Variants in CA2 observed in about 807,000 individuals in gnomAD.
CA2 encodes carbonate dehydratase II.
Under a neutral mutation model 27.8 loss-of-function variants are expected in CA2, and 23 were observed. The ratio of observed to expected loss-of-function variants is 0.83; its 90% CI spans 0.59 to 1.17. The LOEUF is 1.17. Ranked by LOEUF, CA2 falls within the 50% of genes most tolerant of loss-of-function variation. The probability of loss-of-function intolerance (pLI) is 0.00; values close to 1 mark genes in which losing one functional copy is unlikely to be tolerated. For synonymous variants in CA2, 99 were observed against 114.9 expected, an observed-to-expected ratio of 0.86 and a Z score of 0.88; for missense variants, 300 against 314.7, an observed-to-expected ratio of 0.95 and a Z score of 0.35.
chr8:85,470,228 C>T (rs1026629553), intron 2 of CA2, among the ~76,000 whole-genome samples: 1 of 152,062 alleles, frequency 6.6e-6, no homozygotes, highest in South Asian at 2.1e-4. Context: ...AAATGGAATA[C>T]GTGTATTTTT....
intron 5 of CA2, among the ~76,000 whole-genome samples, chr8:85,476,340 T>C (rs1586016443): frequency 6.6e-6 from 1 of 152,186 alleles, no homozygotes; most frequent in Admixed American, 6.5e-5. Context: ...TGCAGCATAG[T>C]TGTGTTGAGG....
At chr8:85,466,935 A>G (rs1371730764) in intron 2 of CA2, among the ~76,000 whole-genome samples, 1 of 152,234 alleles carries the variant, frequency 6.6e-6, no homozygotes, top group African/African-American at 2.4e-5. Flanking sequence ...ACACATACAG[A>G]AAGAATACTA....
intron 1 of CA2, 44 bp downstream of exon 1, chr8:85,464,159 ATCCCC>A: frequency 1.4e-6 from 2 of 1,467,248 alleles, no homozygotes; most frequent in Non-Finnish European, 9.2e-7. Context: ...CCGATCCCCG[ATCCCC>A]GATCCCCGAT....
At position 85,466,085 on chromosome 8, in the gene CA2, C is replaced by T. The variant is rs147028560; in HGVS notation, c.232+616C>T. On this transcript the variant is annotated intron_variant, in intron 2 of 6. Transcript: ENST00000285379. ...GGCCCATTACTGACAAAACCAATTA[C>T]CGTATTTATTGGTAATAGAGCTGTT... is the stretch of plus-strand genomic sequence containing the variant. 1.7e-4 allele frequency among the ~76,000 whole-genome samples: 25 copies of T among 145,612 alleles called. No individual in the cohort carries two copies. In the East Asian group the frequency reaches 4.9e-3, roughly 28 times the overall value.
At position 85,477,269 on chromosome 8, in the gene CA2, C is replaced by T. The variant is rs148054811; in HGVS notation, c.657C>T (p.Ser219=). Residue 219 remains serine (S), a synonymous_variant, in exon 6 of 7, where the codon AGC becomes AGT. Coordinates refer to ENST00000285379, the MANE Select transcript of CA2 (RefSeq NM_000067.3). Reference sequence around the variant, plus strand: ...TCAAGGAACCCATCAGCGTCAGCAGCGAGCAGGTTTGTTTTGTAATGACAG... The same window carrying T: ...TCAAGGAACCCATCAGCGTCAGCAGTGAGCAGGTTTGTTTTGTAATGACAG... The part of the protein sequence containing the change: ...IVLKEPISVS[S]EQVLKFRKLN... The T allele has an allele frequency of 2.8e-5, 45 of 1,613,946 alleles. No individual in the cohort carries two copies. The highest frequency in any genetic ancestry group is 5.3e-5 in the African/African-American group (4 of 74,908).
chr8:85,480,140 T>A (rs1004215134), intron 6 of CA2, among the ~76,000 whole-genome samples: 8 of 152,200 alleles, frequency 5.3e-5, no homozygotes, highest in African/African-American at 1.9e-4. Flanking sequence ...TATAAATTGG[T>A]TTGTTATATT....
chr8:85,475,973 TG>T (rs1051942313), intron 5 of CA2, 113 bp downstream of exon 5: 1 of 816,436 alleles, frequency 1.2e-6, no homozygotes, highest in African/African-American at 1.7e-5. Context: ...GGTGTTTGGA[TG>T]AGCAGTTAGT....
intron 6 of CA2, among the ~76,000 whole-genome samples, chr8:85,480,377 G>C (rs568720167): frequency 6.6e-6 from 1 of 151,890 alleles, no homozygotes; most frequent in South Asian, 2.1e-4. Context: ...TTGTGCCTTA[G>C]CCTCCTGAGT....
At position 85,477,226 on chromosome 8, in the gene CA2, G is replaced by T. The variant is rs1357538811; in HGVS notation, c.614G>T (p.Cys205Phe). Residue 205 changes from cysteine to phenylalanine, a missense_variant, in exon 6 of 7, where the codon TGT becomes TTT. By Grantham distance (205) the Cys-to-Phe change is radical. Coordinates refer to ENST00000285379, the MANE Select transcript of CA2 (RefSeq NM_000067.3). ...CTGACCACCCCTCCTCTTCTGGAATGTGTGACCTGGATTGTGCTCAAGGAA... is the reference window on the plus strand; with the variant it reads ...CTGACCACCCCTCCTCTTCTGGAATTTGTGACCTGGATTGTGCTCAAGGAA... ...GSLTTPPLLE[C>F]VTWIVLKEPI... is the part of the protein sequence containing the mutation. 1 of 1,614,096 alleles carries T rather than the reference G, an allele frequency of 6.2e-7. No homozygotes were observed. Among genetic ancestry groups the T allele is most frequent in the Non-Finnish European group, 8.5e-7 (1 of 1,179,990 alleles).
chr8:85,466,689 C>G (rs901866501), intron 2 of CA2, among the ~76,000 whole-genome samples: 1 of 151,716 alleles, frequency 6.6e-6, no homozygotes, highest in African/African-American at 2.4e-5. Context: ...TACACACACA[C>G]ACACACACAC....
chr8:85,473,010 T>TAATAATAAATA (rs1446379714), intron 2 of CA2, among the ~76,000 whole-genome samples: 14 of 141,480 alleles, frequency 9.9e-5, no homozygotes, highest in African/African-American at 2.5e-4. Flanking sequence ...ATAATAATAA[T>TAATAATAAATA]AATAAATAAA....
intron 1 of CA2, 61 bp from the exon 2 acceptor site, chr8:85,465,211 T>C (rs1811608435): frequency 7.3e-7 from 1 of 1,362,598 alleles, no homozygotes; most frequent in Non-Finnish European, 1.0e-6. Flanking sequence ...ATTGCTCTTC[T>C]CTAGGGGTCT....
At chr8:85,480,339 A>G (rs112935534) in intron 6 of CA2, among the ~76,000 whole-genome samples, 1 of 151,984 alleles carries the variant, frequency 6.6e-6, no homozygotes, top group Non-Finnish European at 1.5e-5. Context: ...GCTCATTGCA[A>G]TCTCTGCCTC....
In CA2 at chr8:85,464,135, A is replaced by C. The variant is rs978029942; in HGVS notation, c.34+20A>C. 2 of 1,534,108 alleles carry C rather than the reference A, an allele frequency of 1.3e-6. No individual in the cohort carries two copies. The highest frequency in any genetic ancestry group is 1.8e-6 in the Non-Finnish European group (2 of 1,141,842). ...ACAACGGTGAGTGCCGGCGACGGCC[A>C]GCGCGGGGGCGCCCCGATCCCCGAT... On this transcript the variant is annotated intron_variant, in intron 1 of 6. Transcript: ENST00000285379.
At chr8:85,464,347 C>A (rs1046537796) in intron 1 of CA2, 2 of 447,080 alleles carry the variant, frequency 4.5e-6, no homozygotes, top group African/African-American at 2.1e-5. Flanking sequence ...GAGGAATCCC[C>A]GCGTCCGCCG....
At chr8:85,480,268 C>T (rs1811867643) in intron 6 of CA2, among the ~76,000 whole-genome samples, 1 of 152,008 alleles carries the variant, frequency 6.6e-6, no homozygotes, top group African/African-American at 2.4e-5. Flanking sequence ...GTTTTTGTTT[C>T]TGTTTTTTGA....
chr8:85,475,983 G>A lies in CA2; in HGVS notation c.507+123G>A. 3 of 768,814 alleles carry A rather than the reference G, an allele frequency of 3.9e-6. No homozygotes were observed. In the South Asian group the frequency reaches 4.4e-5, roughly 11 times the overall value. 47.6% of individuals were successfully genotyped at this position (768,814 alleles called of 1,614,324 possible). ...CATGTGGTGTTTGGATGAGCAGTTA[G>A]TAAAGGTAGAATATTACTTAAATAT... On this transcript the variant is annotated intron_variant, in intron 5 of 6. Coordinates refer to ENST00000285379, the MANE Select transcript of CA2 (RefSeq NM_000067.3).
intron 2 of CA2, among the ~76,000 whole-genome samples, chr8:85,471,876 A>T (rs527761571): frequency 2.0e-5 from 3 of 152,318 alleles, no homozygotes; most frequent in African/African-American, 7.2e-5. Flanking sequence ...CAGGAAACAA[A>T]CTGTTGTAAT....
At chr8:85,468,803 A>AT (rs1337477940) in intron 2 of CA2, among the ~76,000 whole-genome samples, 2 of 151,158 alleles carry the variant, frequency 1.3e-5, no homozygotes, top group African/African-American at 4.9e-5. Context: ...CACACACAAA[A>AT]CCATGTGGAA....
Sources: gnomAD v4.1 joint callset for allele counts (sites outside exome capture counted in the v4.1 genomes callset) on GRCh38, gnomAD v4.1.1 for gene constraint, MANE v1.5 for transcripts, NCBI Gene and HGNC (gene_info 2026-07-23, HGNC 2026-07-21) for gene names.